Variants in TLN2 observed in about 807,000 individuals in gnomAD.
TLN2 encodes the protein talin-2.
A neutral mutation model predicts 294.7 loss-of-function variants in TLN2; 118 were observed. The observed-to-expected ratio is 0.40, with a 90% CI of 0.34 to 0.47. The LOEUF (loss-of-function observed/expected upper bound fraction) is 0.47, where lower values mean the gene tolerates loss of function less well. TLN2 is among the 20% of genes least tolerant of loss of function. TLN2 has a pLI of 0.84. For synonymous variants in TLN2, 1,431 were observed against 1,304.5 expected, an observed-to-expected ratio of 1.10 and a Z score of -2.09; for missense variants, 3,083 against 3,282.2, an observed-to-expected ratio of 0.94 and a Z score of 1.48.
intron 1 of TLN2, among the ~76,000 whole-genome samples, chr15:62,439,881 G>C (rs2035465556): frequency 6.6e-6 from 1 of 152,140 alleles, no homozygotes; most frequent in Non-Finnish European, 1.5e-5. Flanking sequence ...GATGTTTGGT[G>C]TTTCTGTATT....
chr15:62,659,786 G>A (rs1433056109), intron 9 of TLN2, among the ~76,000 whole-genome samples: 3 of 152,086 alleles, frequency 2.0e-5, no homozygotes, highest in Non-Finnish European at 4.4e-5. Flanking sequence ...TTTTAATTAG[G>A]CCAAATTAGG....
At chr15:62,478,411 CA>C (rs1448755210) in intron 1 of TLN2, among the ~76,000 whole-genome samples, 2 of 152,160 alleles carry the variant, frequency 1.3e-5, no homozygotes, top group African/African-American at 4.8e-5. Context: ...CCCTGTATGG[CA>C]ACTTTAAAAT....
intron 1 of TLN2, among the ~76,000 whole-genome samples, chr15:62,547,091 G>T (rs1427932421): frequency 6.6e-6 from 1 of 152,168 alleles, no homozygotes; most frequent in East Asian, 1.9e-4. Flanking sequence ...ATGAAGGGAG[G>T]ATTAACTGTT....
intron 1 of TLN2, among the ~76,000 whole-genome samples, chr15:62,531,661 T>C (rs1241967789): frequency 6.6e-6 from 1 of 152,240 alleles, no homozygotes; most frequent in East Asian, 1.9e-4. Flanking sequence ...ATAAATATAG[T>C]TGTAATTTGT....
chr15:62,574,629 C>T (rs2044233576), intron 1 of TLN2, among the ~76,000 whole-genome samples: 3 of 114,528 alleles, frequency 2.6e-5, no homozygotes, highest in South Asian at 6.1e-4. Flanking sequence ...AGACTATTTC[C>T]TTTTGTGTGT....
chr15:62,505,478 T>G (rs538113057), intron 1 of TLN2, among the ~76,000 whole-genome samples: 3 of 152,342 alleles, frequency 2.0e-5, no homozygotes, highest in Admixed American at 2.0e-4. Flanking sequence ...ATTTAGCCAG[T>G]GTTCTTCCAG....
intron 1 of TLN2, among the ~76,000 whole-genome samples, chr15:62,443,792 A>G (rs1465799860): frequency 6.6e-6 from 1 of 152,292 alleles, no homozygotes; most frequent in East Asian, 1.9e-4. Flanking sequence ...GCTTGAGCCC[A>G]TGAATTTGAG....
chr15:62,605,502 T>G (rs2047357102), intron 2 of TLN2, among the ~76,000 whole-genome samples: 1 of 152,144 alleles, frequency 6.6e-6, no homozygotes. Context: ...AGGAACAGGC[T>G]CTGGGCTGAG....
intron 1 of TLN2, among the ~76,000 whole-genome samples, chr15:62,582,729 C>T (rs899790824): frequency 6.6e-6 from 1 of 152,126 alleles, no homozygotes; most frequent in African/African-American, 2.4e-5. Context: ...TATCTGCAGC[C>T]CAGGAACTTG....
intron 1 of TLN2, among the ~76,000 whole-genome samples, chr15:62,551,491 G>C (rs2042302049): frequency 6.7e-6 from 1 of 149,382 alleles, no homozygotes; most frequent in Non-Finnish European, 1.5e-5. Context: ...CCAACATAGT[G>C]AAAGCCAATC....
At chr15:62,825,809 T>A (rs369808169) in intron 54 of TLN2, among the ~76,000 whole-genome samples, 4 of 1,736 alleles carry the variant, frequency 2.3e-3, no homozygotes, top group East Asian at 0.015. Flanking sequence ...TATTATATAT[T>A]ATATTATAAT....
chr15:62,495,068 G>A (rs993804681), intron 1 of TLN2, among the ~76,000 whole-genome samples: 1 of 152,166 alleles, frequency 6.6e-6, no homozygotes, highest in African/African-American at 2.4e-5. Flanking sequence ...GCTACCCTGG[G>A]CCCCTGAGCC....
At position 62,499,471 on chromosome 15, in the gene TLN2, C is replaced by T. The variant is rs141513716; in HGVS notation, c.-237-90216C>T. On this transcript the variant is annotated intron_variant, in intron 1 of 58. Coordinates refer to ENST00000636159, the MANE Select transcript of TLN2 (RefSeq NM_015059.3). ...AAAATAAAATAAATAGAGAAATGGC[C>T]TGGATATGGCTTGAAACCAAGCCTC... is the stretch of plus-strand genomic sequence containing the variant. 2.8e-4 allele frequency among the ~76,000 whole-genome samples: 42 copies of T among 152,238 alleles called. 1 individual carries two copies. The East Asian group carries it at 6.0e-3, about 22-fold the overall frequency.
At chr15:62,710,788 C>G (rs987515757) in intron 21 of TLN2, among the ~76,000 whole-genome samples, 1 of 128,478 alleles carries the variant, frequency 7.8e-6, no homozygotes, top group Non-Finnish European at 1.6e-5. Flanking sequence ...AGCAGTGACA[C>G]AATCTCAGCT....
At chr15:62,552,052 C>A (rs2042347043) in intron 1 of TLN2, among the ~76,000 whole-genome samples, 2 of 152,166 alleles carry the variant, frequency 1.3e-5, no homozygotes, top group Admixed American at 6.5e-5. Context: ...GAGTCAGGTA[C>A]TTCTTTGTTG....
chr15:62,551,427 G>A (rs558680022), intron 1 of TLN2, among the ~76,000 whole-genome samples: 100 of 152,088 alleles, frequency 6.6e-4, no homozygotes, highest in Admixed American at 1.6e-3. Context: ...ATCTCAGCAC[G>A]TTGGGAGGCC....
chr15:62,569,483 C>T (rs745430797), intron 1 of TLN2, among the ~76,000 whole-genome samples: 14 of 152,202 alleles, frequency 9.2e-5, no homozygotes, highest in Non-Finnish European at 1.8e-4. Context: ...GGGGTTAGCC[C>T]GGCATTTGGT....
chr15:62,824,405 AT>A (rs2067849164), intron 54 of TLN2, among the ~76,000 whole-genome samples: 1 of 152,182 alleles, frequency 6.6e-6, no homozygotes, highest in Non-Finnish European at 1.5e-5. Context: ...GTTCATTTTT[AT>A]CCTGATCTTC....
chr15:62,769,599 G>C (rs2063225301), intron 41 of TLN2, among the ~76,000 whole-genome samples: 1 of 152,198 alleles, frequency 6.6e-6, no homozygotes, highest in African/African-American at 2.4e-5. Context: ...CTCACTATTA[G>C]CGTTAATTAA....
Sources: allele counts gnomAD v4.1 joint callset (sites outside exome capture counted in the v4.1 genomes callset), GRCh38; gene constraint gnomAD v4.1.1; transcripts MANE v1.5; gene names NCBI Gene and HGNC (gene_info 2026-07-23, HGNC 2026-07-21).